CDH12: variants seen among roughly 807,000 people sequenced by gnomAD.
CDH12 encodes cadherin-12.
Under a neutral mutation model 74.1 loss-of-function variants are expected in CDH12, and 41 were observed. That is an observed-to-expected ratio of 0.55 (90% CI 0.43 to 0.72). The LOEUF (loss-of-function observed/expected upper bound fraction) is 0.72. Among genes scored for constraint, CDH12 ranks in the 30% least tolerant of loss-of-function variants. The pLI, the probability that CDH12 is intolerant of heterozygous loss-of-function variation, is 0.00. For missense variants in CDH12, 945 were observed against 977.2 expected (o/e 0.97, Z 0.44); for synonymous variants, 399 against 355.0 (o/e 1.12, Z -1.39).
chr5:21,831,520 T>C (rs558977065), intron 8 of CDH12, among the ~76,000 whole-genome samples: 2 of 152,302 alleles, frequency 1.3e-5, no homozygotes, highest in East Asian at 3.9e-4. Context: ...GTGTACCACC[T>C]GTGGAAATCA....
At chr5:22,172,166 T>G (rs1482118572) in intron 4 of CDH12, among the ~76,000 whole-genome samples, 1 of 151,968 alleles carries the variant, frequency 6.6e-6, no homozygotes, top group Non-Finnish European at 1.5e-5. Context: ...GTGAAATGAT[T>G]TGGGCTGTAA....
chr5:21,847,525 CCTT>C (rs755799965), intron 7 of CDH12, among the ~76,000 whole-genome samples: 2 of 152,022 alleles, frequency 1.3e-5, no homozygotes, highest in African/African-American at 2.4e-5. Flanking sequence ...CTCCTGACCT[CCTT>C]CTTCCTTCCT....
chr5:22,495,374 T>C (rs1245552365), intron 2 of CDH12, among the ~76,000 whole-genome samples: 1 of 152,122 alleles, frequency 6.6e-6, no homozygotes, highest in East Asian at 1.9e-4. Flanking sequence ...CTGGGAAAAA[T>C]ATTATTAAAA....
rs527530396 is a variant in CDH12, at chr5:22,309,688, A to G, written c.-333+95569T>C. On this transcript the variant is annotated intron_variant, in intron 3 of 14. Transcript: ENST00000382254. ...ATAGTCCTCATGTTGTACATTAGGT[A>G]TCTATATGTATTCATCCTCCATAAT... is the stretch of plus-strand genomic sequence containing the variant. Among the ~76,000 whole-genome samples the G allele has an allele frequency of 1.6e-4, 25 of 152,088 alleles. 1 individual carries two copies. The South Asian group carries it at 4.2e-3, about 25-fold the overall frequency.
chr5:22,308,789 C>G (rs1319738301), intron 3 of CDH12, among the ~76,000 whole-genome samples: 1 of 149,136 alleles, frequency 6.7e-6, no homozygotes, highest in Non-Finnish European at 1.5e-5. Flanking sequence ...TACAACAATG[C>G]CCACAAGGGC....
chr5:21,979,863 C>G (rs187354660), intron 5 of CDH12, among the ~76,000 whole-genome samples: 2 of 151,904 alleles, frequency 1.3e-5, no homozygotes, highest in Admixed American at 1.3e-4. Flanking sequence ...AATCGCCACA[C>G]TGACTTCCAC....
chr5:21,832,825 TATTATAATAATATAA>T, intron 8 of CDH12, among the ~76,000 whole-genome samples: 1 of 117,922 alleles, frequency 8.5e-6, no homozygotes. Flanking sequence ...ATATGATATA[TATTATAATAATATAA>T]ATCATATGAT....
At position 22,223,949 on chromosome 5, in the gene CDH12, T is replaced by G. The variant is rs140093030; in HGVS notation, c.-332-11306A>C. 2.0e-5 allele frequency among the ~76,000 whole-genome samples: 3 copies of G among 152,128 alleles called. No individual in the cohort carries two copies. The East Asian group carries it at 5.8e-4, about 29-fold the overall frequency. ...TTATCAGAAAATGTATCACTGTCAC[T>G]GAGCAATAGAGGCAGATTTCCAGAA... On this transcript the variant is annotated intron_variant, in intron 3 of 14. Coordinates refer to ENST00000382254, the MANE Select transcript of CDH12 (RefSeq NM_004061.5).
chr5:22,427,893 G>A (rs1231649547), intron 2 of CDH12, among the ~76,000 whole-genome samples: 1 of 151,970 alleles, frequency 6.6e-6, no homozygotes, highest in Non-Finnish European at 1.5e-5. Flanking sequence ...CCAAAAAAAA[G>A]TCATTTTGTG....
At chr5:22,275,915 T>C (rs1006498725) in intron 3 of CDH12, among the ~76,000 whole-genome samples, 2 of 152,178 alleles carry the variant, frequency 1.3e-5, no homozygotes, top group African/African-American at 4.8e-5. Flanking sequence ...AGTAGTGTCC[T>C]GCATAGCAAA....
chr5:22,218,705 T>C (rs1410138338), intron 3 of CDH12, among the ~76,000 whole-genome samples: 2 of 151,674 alleles, frequency 1.3e-5, no homozygotes, highest in African/African-American at 4.8e-5. Context: ...GCAAGTTAAA[T>C]ATGTGCAGTT....
At chr5:21,971,993 T>C (rs1436234971) in intron 6 of CDH12, among the ~76,000 whole-genome samples, 1 of 152,150 alleles carries the variant, frequency 6.6e-6, no homozygotes, top group Admixed American at 6.6e-5. Flanking sequence ...GTCTTAAATA[T>C]TGATTTTCCT....
chr5:22,153,073 G>C (rs1418180606), intron 4 of CDH12, among the ~76,000 whole-genome samples: 1 of 152,020 alleles, frequency 6.6e-6, no homozygotes, highest in Non-Finnish European at 1.5e-5. Flanking sequence ...GTGAGCATTG[G>C]AGCACAGATA....
intron 1 of CDH12, among the ~76,000 whole-genome samples, chr5:22,609,106 C>T (rs1162548571): frequency 6.6e-6 from 1 of 152,066 alleles, no homozygotes; most frequent in Admixed American, 6.6e-5. Context: ...GGGTGACCCC[C>T]TATTTTGAGA....
chr5:22,047,526 A>ACCC (rs376473484), intron 5 of CDH12, among the ~76,000 whole-genome samples: 2 of 147,994 alleles, frequency 1.4e-5, no homozygotes, highest in African/African-American at 5.0e-5. Context: ...AAAAGTAAAC[A>ACCC]CCCCCCCCCA....
chr5:22,289,039 A>G (rs992135190), intron 3 of CDH12, among the ~76,000 whole-genome samples: 5 of 152,180 alleles, frequency 3.3e-5, no homozygotes, highest in Non-Finnish European at 7.4e-5. Flanking sequence ...AAAATGTAAT[A>G]TAAATAAGCT....
intron 3 of CDH12, among the ~76,000 whole-genome samples, chr5:22,315,118 G>GCTTTTTTTTTT (rs1738569504): frequency 1.1e-4 from 1 of 9,402 alleles, no homozygotes; most frequent in Non-Finnish European, 2.4e-4. Context: ...TGCCTGCCTG[G>GCTTTTTTTTTT]CTTTTTTTTT....
chr5:22,580,222 G>C (rs1357533165), intron 1 of CDH12: 1 of 300,534 alleles, frequency 3.3e-6, no homozygotes, highest in Non-Finnish European at 6.7e-6. Context: ...TGCCAATAAT[G>C]GTCAATCTTC....
At chr5:22,440,337 C>A (rs578225780) in intron 2 of CDH12, among the ~76,000 whole-genome samples, 1 of 152,126 alleles carries the variant, frequency 6.6e-6, no homozygotes, top group East Asian at 1.9e-4. Flanking sequence ...TATGTTTAAT[C>A]CAGATTTACT....
Sources: gnomAD v4.1 joint callset for allele counts (sites outside exome capture counted in the v4.1 genomes callset) on GRCh38, gnomAD v4.1.1 for gene constraint, MANE v1.5 for transcripts, NCBI Gene and HGNC (gene_info 2026-07-23, HGNC 2026-07-21) for gene names.